The following MALRD1 variants were observed in gnomAD, a reference collection of about 807,000 sequenced individuals.
MALRD1 encodes MAM and LDL receptor class A domain containing 1.
Under a neutral mutation model 242.1 loss-of-function variants are expected in MALRD1, and 247 were observed. The observed-to-expected ratio is 1.02, with a 90% confidence interval of 0.92 to 1.13. MALRD1 has a LOEUF of 1.13. Ranked by LOEUF, MALRD1 falls within the 50% of genes most tolerant of loss-of-function variation. The probability of loss-of-function intolerance (pLI) is 0.00; values close to 1 mark genes in which losing one functional copy is unlikely to be tolerated. For synonymous variants in MALRD1, 995 were observed against 866.6 expected, an observed-to-expected ratio of 1.15 and a Z score of -2.60; for missense variants, 2,989 against 2,533.1, an observed-to-expected ratio of 1.18 and a Z score of -3.86.
At chr10:19,491,843 T>G (rs1210407932) in intron 30 of MALRD1, among the ~76,000 whole-genome samples, 198 bp downstream of exon 30, 1 of 152,192 alleles carries the variant, frequency 6.6e-6, no homozygotes, top group Non-Finnish European at 1.5e-5. Context: ...TTCATATTCT[T>G]TACCCCATAC....
chr10:19,212,897 G>C lies in MALRD1; in HGVS notation c.2991+3217G>C, dbSNP rs138732359. On this transcript the variant is annotated intron_variant, in intron 18 of 39. Coordinates refer to ENST00000454679, the MANE Select transcript of MALRD1 (RefSeq NM_001142308.3). ...AACAAATGTCTACTTTGAAATGTCTGTTCCAGTCTTTCACCCAAGTTTTAA... is the reference window on the plus strand; with the variant it reads ...AACAAATGTCTACTTTGAAATGTCTCTTCCAGTCTTTCACCCAAGTTTTAA... Among the ~76,000 whole-genome samples, 53 of 150,100 alleles carry C rather than the reference G, an allele frequency of 3.5e-4. No individual in the cohort carries two copies. The East Asian group carries it at 9.5e-3, about 27-fold the overall frequency.
intron 29 of MALRD1, among the ~76,000 whole-genome samples, chr10:19,478,178 T>C (rs1420995373): frequency 6.6e-6 from 1 of 152,174 alleles, no homozygotes; most frequent in Non-Finnish European, 1.5e-5. Flanking sequence ...ATTAAACACA[T>C]ATCCTTACTG....
intron 24 of MALRD1, among the ~76,000 whole-genome samples, chr10:19,342,869 A>C (rs545916152): frequency 6.6e-6 from 1 of 152,126 alleles, no homozygotes; most frequent in Non-Finnish European, 1.5e-5. Context: ...GGCAAGTCTT[A>C]GGATAATATT....
intron 31 of MALRD1, among the ~76,000 whole-genome samples, chr10:19,499,755 T>G (rs1252254101): frequency 6.6e-6 from 1 of 152,238 alleles, no homozygotes; most frequent in Non-Finnish European, 1.5e-5. Context: ...TTTCAAAAGA[T>G]TGTCCTAGCC....
At chr10:19,127,558 T>G (rs935355511) in intron 7 of MALRD1, among the ~76,000 whole-genome samples, 4 of 152,184 alleles carry the variant, frequency 2.6e-5, no homozygotes, top group African/African-American at 4.8e-5. Context: ...GACTTTATTT[T>G]TGAAAATGAA....
At chr10:19,335,109 AATC>A (rs1242944869) in intron 24 of MALRD1, among the ~76,000 whole-genome samples, 2 of 151,928 alleles carry the variant, frequency 1.3e-5, no homozygotes, top group Non-Finnish European at 2.9e-5. Context: ...AGGCAAAAGT[AATC>A]ATGAACCTTT....
intron 21 of MALRD1, chr10:19,291,501 C>T: frequency 6.6e-6 from 1 of 151,938 alleles, no homozygotes; most frequent in Non-Finnish European, 1.5e-5. Flanking sequence ...TACGATCATG[C>T]CATTGCACTC....
At chr10:19,315,046 GTAAATATAATTTATAT>G (rs1842590742) in intron 21 of MALRD1, among the ~76,000 whole-genome samples, 7 of 137,482 alleles carry the variant, frequency 5.1e-5, no homozygotes, top group African/African-American at 1.6e-4. Context: ...ATATAAATAT[GTAAATATAATTTATAT>G]AAATATGTAA....
intron 26 of MALRD1, among the ~76,000 whole-genome samples, chr10:19,384,626 CTATAA>C (rs1484339124): frequency 1.6e-5 from 2 of 123,796 alleles, no homozygotes; most frequent in South Asian, 2.3e-4. Context: ...ATAATATTTA[CTATAA>C]TATAATATAT....
chr10:19,694,893 TA>T (rs1170817201), intron 38 of MALRD1, among the ~76,000 whole-genome samples: 2 of 152,128 alleles, frequency 1.3e-5, no homozygotes, highest in Non-Finnish European at 2.9e-5. Context: ...TATGCAGCCA[TA>T]AAAAATGATG....
At chr10:19,383,889 A>G (rs1042928069) in intron 26 of MALRD1, among the ~76,000 whole-genome samples, 2 of 151,878 alleles carry the variant, frequency 1.3e-5, no homozygotes, top group Non-Finnish European at 2.9e-5. Context: ...TTAAGCAAGG[A>G]ATTAAAGTGC....
chr10:19,534,693 T>C (rs1834575131), intron 32 of MALRD1, among the ~76,000 whole-genome samples: 1 of 152,168 alleles, frequency 6.6e-6, no homozygotes, highest in Non-Finnish European at 1.5e-5. Flanking sequence ...GCTGTTGGTG[T>C]GGATGTAAAG....
intron 18 of MALRD1, among the ~76,000 whole-genome samples, chr10:19,212,413 G>A (rs1451423687): frequency 6.6e-6 from 1 of 151,996 alleles, no homozygotes; most frequent in African/African-American, 2.4e-5. Flanking sequence ...GTTTCATTTA[G>A]TATAATTATT....
rs1362031753 is a variant in MALRD1, at chr10:19,331,391, G to A, written c.3710G>A (p.Gly1237Asp). The change falls in exon 24 of 40, where the codon GGT becomes GAT. Residue 1237 changes from glycine to aspartate, a missense_variant. By Grantham distance (94) the Gly-to-Asp change is moderately conservative. Transcript: ENST00000454679. Reference sequence around the variant, plus strand: ...TAGATTGTCTTCAGAGCCAAACGTGGTATCAGTTACATAGGAGATGTAGCA... The same window carrying A: ...TAGATTGTCTTCAGAGCCAAACGTGATATCAGTTACATAGGAGATGTAGCA... ...HTQIVFRAKR[G>D]ISYIGDVAVD... 2.6e-6 allele frequency: 4 copies of A among 1,550,214 alleles called. No individual in the cohort carries two copies. Among genetic ancestry groups the A allele is most frequent in the African/African-American group, 1.4e-5 (1 of 72,954 alleles).
chr10:19,210,492 G>A (rs113401528), intron 18 of MALRD1, among the ~76,000 whole-genome samples: 22 of 152,184 alleles, frequency 1.4e-4, no homozygotes, highest in African/African-American at 5.3e-4. Context: ...ACATGCAGGG[G>A]GCTTGAATAT....
intron 28 of MALRD1, among the ~76,000 whole-genome samples, chr10:19,399,597 A>T (rs1846740403): frequency 1.3e-5 from 2 of 152,148 alleles, no homozygotes; most frequent in African/African-American, 4.8e-5. Flanking sequence ...GAGTAGAGAG[A>T]AAACCCTTGT....
intron 36 of MALRD1, among the ~76,000 whole-genome samples, chr10:19,653,612 TC>T: frequency 7.9e-6 from 1 of 127,202 alleles, no homozygotes; most frequent in East Asian, 2.4e-4. Context: ...TTTAATTTTT[TC>T]TTCTTGCCTC....
rs1156254998 is a variant in MALRD1, at chr10:19,430,111, C to CTTTTTTTTT, written c.4846-20183_4846-20175dup. ...CTTTGCTTGGAATTTCTCCATTTTC[C>CTTTTTTTTT]TTTTTTTTTTTTTTTTTTTTTGAGA... is the stretch of plus-strand genomic sequence containing the variant. On this transcript the variant is annotated intron_variant, in intron 28 of 39. Transcript: ENST00000454679. Among the ~76,000 whole-genome samples, 612 of 83,498 alleles carry CTTTTTTTTT rather than the reference C, an allele frequency of 7.3e-3. 41 individuals are homozygous for CTTTTTTTTT. The highest frequency in any genetic ancestry group is 0.011 in the African/African-American group (231 of 20,434). 54.8% of individuals were successfully genotyped at this position (83,498 alleles called of 152,430 possible). A position where few individuals can be genotyped will look rare whatever the true frequency, so the allele number is the denominator to read the frequency against.
chr10:19,349,810 C>G (rs935519814), intron 25 of MALRD1, among the ~76,000 whole-genome samples: 2 of 152,042 alleles, frequency 1.3e-5, no homozygotes, highest in African/African-American at 4.8e-5. Context: ...GACCTCTCAG[C>G]TTTTCTATTT....
Sources: gnomAD v4.1 joint callset for allele counts (sites outside exome capture counted in the v4.1 genomes callset) on GRCh38, gnomAD v4.1.1 for gene constraint, MANE v1.5 for transcripts, NCBI Gene and HGNC (gene_info 2026-07-23, HGNC 2026-07-21) for gene names.